JCAD: variants seen among roughly 807,000 people sequenced by gnomAD.
The protein encoded by JCAD is junctional cadherin 5 associated.
In JCAD, 40 loss-of-function variants were observed where a neutral mutation model predicts 98.0. The observed-to-expected ratio is 0.41, with a 90% confidence interval of 0.32 to 0.53. The LOEUF is 0.53. Among genes scored for constraint, JCAD ranks in the 20% least tolerant of loss-of-function variants. The pLI, the probability that JCAD is intolerant of heterozygous loss-of-function variation, is 0.31. For synonymous variants in JCAD, 691 were observed against 682.3 expected (o/e 1.01, Z -0.20); for missense variants, 1,705 against 1,738.1 (o/e 0.98, Z 0.34).
chr10:30,036,851 G>C (rs1837122321), intron 2 of JCAD, among the ~76,000 whole-genome samples: 1 of 152,222 alleles, frequency 6.6e-6, no homozygotes, highest in Admixed American at 6.5e-5. Flanking sequence ...ATCCCTTCCT[G>C]GTTCCCAGAT....
Position 30,047,801 on chromosome 10 carries a change from T to A in JCAD, c.12A>T (p.Val4=), listed in dbSNP as rs182750068. 8.1e-6 allele frequency: 13 copies of A among 1,611,302 alleles called. No homozygotes were observed. The East Asian group carries it at 2.9e-4, about 36-fold the overall frequency. ...ATCCATGAGAGATCAGGAGGTCTTC[T>A]ACACTGTACATGATGCCTGGGCTTC... MYS[V]EDLLISHGYK... Residue 4 remains valine (V), a synonymous_variant, in exon 2 of 4, where the codon GTA becomes GTT. Coordinates refer to ENST00000375377, the MANE Select transcript of JCAD (RefSeq NM_020848.4).
chr10:30,060,186 G>A (rs1201384391), upstream of JCAD, among the ~76,000 whole-genome samples: 1 of 152,160 alleles, frequency 6.6e-6, no homozygotes, highest in Non-Finnish European at 1.5e-5. Context: ...CAGTGATGGT[G>A]ACAACAGCTT....
chr10:30,041,246 G>A (rs1185946013), intron 2 of JCAD, among the ~76,000 whole-genome samples: 1 of 151,994 alleles, frequency 6.6e-6, no homozygotes, highest in African/African-American at 2.4e-5. Context: ...GGGAAGAGGC[G>A]GCCTGTGTCT....
chr10:30,100,212 A>G (rs745880428), intron 1 of JCAD, among the ~76,000 whole-genome samples: 1 of 152,092 alleles, frequency 6.6e-6, no homozygotes, highest in East Asian at 1.9e-4. Flanking sequence ...TTCAAGTGCT[A>G]TTTCTTTTAC....
At position 30,047,554 on chromosome 10, in the gene JCAD, C is replaced by T; in HGVS notation, c.259G>A (p.Ala87Thr). ...TACCCCGCCTCCGAGGTTCTGGAAG[C>T]AGAAGTGCTCTGGGGCTCCCCGTGG... is the stretch of plus-strand genomic sequence containing the variant. ...RGHGEPQSTS[A>T]SRTSEAGFCN... The change falls in exon 2 of 4, where the codon GCT becomes ACT. Residue 87 changes from alanine to threonine, a missense_variant. Around this residue, in one of 3 missense-constraint regions of JCAD, gnomAD observed 152 missense variants for 148.0 expected, o/e 1.03. Transcript: ENST00000375377. The T allele has an allele frequency of 6.2e-7, 1 of 1,613,274 alleles. No homozygotes were observed. The highest frequency in any genetic ancestry group is 1.7e-5 in the Admixed American group (1 of 59,710).
intron 2 of JCAD, among the ~76,000 whole-genome samples, chr10:30,068,390 CAAAAAAAAAAAAA>C (rs34060997): frequency 4.1e-5 from 2 of 48,196 alleles, no homozygotes; most frequent in South Asian, 1.8e-3. Flanking sequence ...AACTCTGTCT[CAAAAAAAAAAAAA>C]AAAAAAAAAA....
intron 1 of JCAD, among the ~76,000 whole-genome samples, chr10:30,101,280 A>G (rs926603406): frequency 2.6e-5 from 4 of 151,638 alleles, no homozygotes; most frequent in Non-Finnish European, 5.9e-5. Context: ...GTGGTGGCCC[A>G]TTCCTGTAAT....
chr10:30,089,408 TG>T (rs1279633156), intron 1 of JCAD, among the ~76,000 whole-genome samples: 2 of 152,134 alleles, frequency 1.3e-5, no homozygotes, highest in African/African-American at 4.8e-5. Context: ...CTGCTCAGTC[TG>T]GCTGCCCCAT....
chr10:30,071,586 G>A (rs1335628196), intron 1 of JCAD, among the ~76,000 whole-genome samples: 1 of 152,088 alleles, frequency 6.6e-6, no homozygotes, highest in African/African-American at 2.4e-5. Flanking sequence ...GGGCAGATAA[G>A]CTAAGGTCAG....
chr10:30,061,544 G>GA (rs1193710843), upstream of JCAD, among the ~76,000 whole-genome samples: 7,327 of 116,140 alleles, frequency 0.063, 419 homozygotes, highest in African/African-American at 0.16. Flanking sequence ...TCTGTCTCAA[G>GA]AAAAAAAAAA....
Position 30,028,344 on chromosome 10 carries a change from C to T in JCAD, c.1804G>A (p.Asp602Asn). 6.2e-7 allele frequency: 1 copy of T among 1,614,194 alleles called. No homozygotes were observed. The change falls in exon 3 of 4, where the codon GAC becomes AAC. Residue 602 changes from aspartate (D) to asparagine (N), a missense_variant. Asp to Asn is a conservative substitution (Grantham distance 23). This residue lies in a region of JCAD where 1,278 missense variants were observed against 1,243.1 expected (regional missense o/e 1.03). Transcript: ENST00000375377. ...HLPDRDMDNN[D>N]LKPSADQKNG... Reference sequence around the variant, plus strand: ...TTTTGATCAGCACTGGGCTTTAAGTCATTGTTGTCCATATCTCTATCTGGC... The same window carrying T: ...TTTTGATCAGCACTGGGCTTTAAGTTATTGTTGTCCATATCTCTATCTGGC...
At chr10:30,051,865 T>C (rs1334400280) in intron 1 of JCAD, among the ~76,000 whole-genome samples, 1 of 152,216 alleles carries the variant, frequency 6.6e-6, no homozygotes, top group Non-Finnish European at 1.5e-5. Context: ...ACGAGGATAA[T>C]GATCATTCCA....
chr10:30,028,615 A>C lies in JCAD; in HGVS notation c.1533T>G (p.Ser511Arg). ...WGQPPGDGENSGLPNQRDRCV... is the reference protein window; with the variant it reads ...WGQPPGDGENRGLPNQRDRCV... ...AGCGGTCTCTCTGGTTGGGGAGGCC[A>C]CTGTTTTCCCCATCCCCGGGGGGCT... The change falls in exon 3 of 4, where the codon AGT becomes AGG. Residue 511 changes from serine (S) to arginine (R), a missense_variant. By Grantham distance (110) the Ser-to-Arg change is moderately radical. Transcript: ENST00000375377. The C allele has an allele frequency of 1.2e-6, 2 of 1,612,146 alleles. No homozygotes were observed. Among genetic ancestry groups the C allele is most frequent in the Non-Finnish European group, 1.7e-6 (2 of 1,178,930 alleles).
chr10:30,095,522 C>T (rs572624565), intron 1 of JCAD, among the ~76,000 whole-genome samples: 31 of 152,350 alleles, frequency 2.0e-4, no homozygotes, highest in African/African-American at 1.2e-4. Context: ...CTTGCCTCCC[C>T]GTTCGACCTG....
At position 30,028,217 on chromosome 10, in the gene JCAD, C is replaced by G. The variant is rs1370716198; in HGVS notation, c.1931G>C (p.Arg644Thr). Residue 644 changes from arginine (R) to threonine (T), a missense_variant, in exon 3 of 4, where the codon AGA (arginine) becomes ACA (threonine). Coordinates refer to ENST00000375377, the MANE Select transcript of JCAD (RefSeq NM_020848.4). ...TAGATCTTGTTTTTGGAACTCCGTTCTCCCACCCATGCTTCCTGTGAGGGC... is the reference window on the plus strand; with the variant it reads ...TAGATCTTGTTTTTGGAACTCCGTTGTCCCACCCATGCTTCCTGTGAGGGC... ...LQALTGSMGG[R>T]TEFQKQDLGE... 5 of 1,614,094 alleles carry G rather than the reference C, an allele frequency of 3.1e-6. No individual in the cohort carries two copies. Among genetic ancestry groups the G allele is most frequent in the Admixed American group, 1.7e-5 (1 of 60,008 alleles).
intron 1 of JCAD, among the ~76,000 whole-genome samples, chr10:30,089,218 A>G (rs1838217687): frequency 6.6e-6 from 1 of 152,148 alleles, no homozygotes; most frequent in Admixed American, 6.6e-5. Context: ...CCTCTGCAAA[A>G]TGAAGAAGCT....
chr10:30,018,516 G>A (rs1836587151), intron 3 of JCAD, among the ~76,000 whole-genome samples: 1 of 152,036 alleles, frequency 6.6e-6, no homozygotes, highest in South Asian at 2.1e-4. Flanking sequence ...TTCTAACACA[G>A]GTATGTACGA....
intron 1 of JCAD, among the ~76,000 whole-genome samples, chr10:30,077,375 C>G (rs1838000358): frequency 6.6e-6 from 1 of 152,146 alleles, no homozygotes; most frequent in Non-Finnish European, 1.5e-5. Context: ...CTCCTGGGTT[C>G]AAGTGATTCT....
intron 1 of JCAD, among the ~76,000 whole-genome samples, chr10:30,080,840 C>A (rs1401872992): frequency 6.6e-6 from 1 of 152,190 alleles, no homozygotes; most frequent in African/African-American, 2.4e-5. Flanking sequence ...GCCTGCACAT[C>A]CTGCATGCTT....
Sources: gnomAD v4.1 joint callset for allele counts (sites outside exome capture counted in the v4.1 genomes callset) on GRCh38, gnomAD v4.1.1 for gene constraint, gnomAD v4.1.1 regional missense constraint, MANE v1.5 for transcripts, NCBI Gene and HGNC (gene_info 2026-07-23, HGNC 2026-07-21) for gene names.